UGGT1: variants seen among roughly 807,000 people sequenced by gnomAD.
UGGT1 encodes the protein UDP-glucose glycoprotein glucosyltransferase 1.
A neutral mutation model predicts 203.9 loss-of-function variants in UGGT1; 107 were observed. That is an observed-to-expected ratio of 0.52 (90% CI 0.45 to 0.62). UGGT1 has a LOEUF of 0.62. Among genes scored for constraint, UGGT1 ranks in the 20% least tolerant of loss-of-function variants. The pLI is 0.00. For missense variants in UGGT1, 1,673 were observed against 1,867.2 expected (o/e 0.90, Z 1.92); for synonymous variants, 628 against 653.5 (o/e 0.96, Z 0.59).
intron 25 of UGGT1, among the ~76,000 whole-genome samples, chr2:128,164,118 G>A (rs1690663498): frequency 1.3e-5 from 2 of 152,134 alleles, no homozygotes; most frequent in South Asian, 4.1e-4. Context: ...GGTCGAGGAT[G>A]CTGAGATCAA....
In UGGT1 at chr2:128,100,850, GAGAA is replaced by G. The variant is rs369111591; in HGVS notation, c.195-3077_195-3074del. Among the ~76,000 whole-genome samples the G allele has an allele frequency of 2.2e-3, 331 of 152,230 alleles. 3 individuals carry two copies. The highest frequency in any genetic ancestry group is 7.4e-3 in the African/African-American group (307 of 41,554). ...TTACAGCATAAAACTATGGACTTTT[GAGAA>G]AGAATGCTAAAATTGCCAGCCCTAA... On this transcript the variant is annotated intron_variant, in intron 2 of 40. Transcript: ENST00000259253.
At chr2:128,102,355 G>A (rs1687416593) in intron 2 of UGGT1, among the ~76,000 whole-genome samples, 3 of 152,238 alleles carry the variant, frequency 2.0e-5, no homozygotes, top group Middle Eastern at 6.8e-3. Flanking sequence ...TGTTGGCCAG[G>A]CTGGTCTGGA....
chr2:128,151,484 G>A (rs1689971566), intron 18 of UGGT1, among the ~76,000 whole-genome samples: 1 of 152,114 alleles, frequency 6.6e-6, no homozygotes, highest in Non-Finnish European at 1.5e-5. Context: ...CATGTACAGT[G>A]AGCCATCTAA....
At chr2:128,176,439 G>A (rs1474320781) in intron 31 of UGGT1, among the ~76,000 whole-genome samples, 1 of 151,160 alleles carries the variant, frequency 6.6e-6, no homozygotes, top group Non-Finnish European at 1.5e-5. Flanking sequence ...AAAGAGCGGA[G>A]GCAGTGTGGT....
chr2:128,150,209 G>A (rs555389758), intron 18 of UGGT1, among the ~76,000 whole-genome samples: 3 of 152,266 alleles, frequency 2.0e-5, no homozygotes, highest in African/African-American at 7.2e-5. Flanking sequence ...GCTGAGGCTG[G>A]AGGATTAGTT....
intron 29 of UGGT1, 69 bp from the exon 30 acceptor site, chr2:128,173,712 G>T: frequency 1.9e-6 from 3 of 1,541,480 alleles, no homozygotes; most frequent in South Asian, 1.2e-5. Context: ...CCTTTACTTT[G>T]CATAATGCAT....
At chr2:128,145,661 A>G in intron 17 of UGGT1, 142 bp from the exon 18 acceptor site, 1 of 820,608 alleles carries the variant, frequency 1.2e-6, no homozygotes. Flanking sequence ...CATTTTTTTA[A>G]AAAGAAATAT....
At chr2:128,168,361 C>T (rs1389792414) in intron 26 of UGGT1, among the ~76,000 whole-genome samples, 1 of 152,136 alleles carries the variant, frequency 6.6e-6, no homozygotes, top group Admixed American at 6.5e-5. Flanking sequence ...TCGAAAGCAC[C>T]TACCTCAACA....
At chr2:128,103,901 A>G in intron 2 of UGGT1, 31 bp from the exon 3 acceptor site, 2 of 1,515,454 alleles carry the variant, frequency 1.3e-6, no homozygotes, top group Non-Finnish European at 1.8e-6. Context: ...AAATTTTATT[A>G]AGTTGTTTTA....
At chr2:128,132,282 T>C (rs1688915777) in intron 13 of UGGT1, among the ~76,000 whole-genome samples, 1 of 151,962 alleles carries the variant, frequency 6.6e-6, no homozygotes, top group Non-Finnish European at 1.5e-5. Flanking sequence ...GTGCTGTGGC[T>C]CACACCTGTA....
chr2:128,176,736 G>A, intron 31 of UGGT1, 78 bp from the exon 32 acceptor site: 2 of 1,318,504 alleles, frequency 1.5e-6, no homozygotes, highest in Admixed American at 3.7e-5. Context: ...GAAGGATGAT[G>A]GACTCAGATG....
At position 128,120,830 on chromosome 2, in the gene UGGT1, C is replaced by G. The variant is rs571954860; in HGVS notation, c.974-369C>G. ...ATGTGTTTTTCTCTGTTCCAAAGAA[C>G]TATTTTTCAAGTTTTTTTCCCCAAC... is the stretch of plus-strand genomic sequence containing the variant. On this transcript the variant is annotated intron_variant, in intron 9 of 40. Transcript: ENST00000259253. 9.9e-5 allele frequency among the ~76,000 whole-genome samples: 15 copies of G among 152,266 alleles called. No homozygotes were observed. In the South Asian group the frequency reaches 2.9e-3, roughly 29 times the overall value.
chr2:128,164,222 A>G (rs1690668950), intron 25 of UGGT1, among the ~76,000 whole-genome samples: 1 of 152,166 alleles, frequency 6.6e-6, no homozygotes, highest in Admixed American at 6.5e-5. Context: ...CAAGGAAAGG[A>G]TTTTTATAAT....
Position 128,115,983 on chromosome 2 carries a change from TG to T in UGGT1, c.794-281del, listed in dbSNP as rs1222437990. 3.9e-5 allele frequency among the ~76,000 whole-genome samples: 6 copies of T among 152,278 alleles called. No individual in the cohort carries two copies. In the East Asian group the frequency reaches 1.2e-3, roughly 29 times the overall value. On this transcript the variant is annotated intron_variant, in intron 7 of 40. Coordinates refer to ENST00000259253, the MANE Select transcript of UGGT1 (RefSeq NM_020120.4). ...TTCATAATTGTCCATAATGTTTAAA[TG>T]TATTAATTTTGAAGTTTTTAGCATG...
chr2:128,134,459 C>T (rs925431116), intron 14 of UGGT1, among the ~76,000 whole-genome samples: 6 of 152,198 alleles, frequency 3.9e-5, no homozygotes, highest in African/African-American at 7.2e-5. Flanking sequence ...ACACGTAATA[C>T]GTGTTTATAT....
At position 128,091,281 on chromosome 2, in the gene UGGT1, G is replaced by A. The variant is rs534518217; in HGVS notation, c.-77G>A. 1 of 1,425,414 alleles carries A rather than the reference G, an allele frequency of 7.0e-7. No individual in the cohort carries two copies. Among genetic ancestry groups the A allele is most frequent in the African/African-American group, 1.5e-5 (1 of 67,768 alleles). The allele number at this position is 1,425,414 out of a possible 1,614,324, so 88.3% of individuals were successfully genotyped here. A position where few individuals can be genotyped will look rare whatever the true frequency, so the allele number is the denominator to read the frequency against. On this transcript the variant is annotated 5_prime_UTR_variant, in exon 1 of 41. Transcript: ENST00000259253. ...TGTCGGCCTCTCACTGGCGCAGCCT[G>A]CACTGCCGCTGCCGCCTCGCCCCGC...
chr2:128,178,574 GT>G lies in UGGT1; in HGVS notation c.3815+6del. The G allele has an allele frequency of 6.3e-7, 1 of 1,598,842 alleles. No homozygotes were observed. The highest frequency in any genetic ancestry group is 8.5e-7 in the Non-Finnish European group (1 of 1,174,344). On this transcript the variant is annotated splice_donor_region_variant and intron_variant, in intron 34 of 40. Transcript: ENST00000259253. ...TCTCTACGAAAGATTTCTTCGGTCA[GT>G]CTTGTTGATTATTTCATTATATATG...
intron 16 of UGGT1, among the ~76,000 whole-genome samples, chr2:128,141,037 C>T (rs1016949391): frequency 2.7e-5 from 4 of 150,816 alleles, no homozygotes; most frequent in Non-Finnish European, 5.9e-5. Flanking sequence ...TGTAAAAACA[C>T]TTGAGGCCAG....
intron 25 of UGGT1, among the ~76,000 whole-genome samples, chr2:128,163,084 G>T (rs1690606143): frequency 6.6e-6 from 1 of 152,134 alleles, no homozygotes; most frequent in Admixed American, 6.5e-5. Context: ...TTTGATCATT[G>T]TTCTTCATCA....
Sources: allele counts gnomAD v4.1 joint callset (sites outside exome capture counted in the v4.1 genomes callset), GRCh38; gene constraint gnomAD v4.1.1; transcripts MANE v1.5; gene names NCBI Gene and HGNC (gene_info 2026-07-23, HGNC 2026-07-21).